VIM: variants seen among roughly 807,000 people sequenced by gnomAD.
The protein encoded by VIM is vimentin.
Under a neutral mutation model 50.3 loss-of-function variants are expected in VIM, and 18 were observed. The ratio of observed to expected loss-of-function variants is 0.36; its 90% CI spans 0.25 to 0.53. The LOEUF (loss-of-function observed/expected upper bound fraction) is 0.53, where lower values mean the gene tolerates loss of function less well. VIM is among the 20% of genes least tolerant of loss of function. The pLI is 0.91. For synonymous variants in VIM, 245 were observed against 248.5 expected (o/e 0.99, Z 0.13); for missense variants, 551 against 614.7 (o/e 0.90, Z 1.10).
At chr10:17,229,104 A>C (rs1184999302) in intron 1 of VIM, 172 bp from the exon 2 acceptor site, 2 of 494,422 alleles carry the variant, frequency 4.0e-6, no homozygotes, top group African/African-American at 2.0e-5. Flanking sequence ...GACCATGCCC[A>C]GTCCCAGGCC....
At chr10:17,236,601 C>T (rs980254717) in intron 9 of VIM, among the ~76,000 whole-genome samples, 1 of 152,180 alleles carries the variant, frequency 6.6e-6, no homozygotes, top group African/African-American at 2.4e-5. Context: ...TCCTGTGCTC[C>T]AGAATTAGTG....
Position 17,237,453 on chromosome 10 carries a change from A to G in VIM, c.*182A>G, listed in dbSNP as rs1357419304. 1.6e-6 allele frequency: 1 copy of G among 616,304 alleles called. No homozygotes were observed. The highest frequency in any genetic ancestry group is 1.9e-5 in the African/African-American group (1 of 53,896). The allele number at this position is 616,304 out of a possible 1,614,324, so 38.2% of individuals were successfully genotyped here. ...TCCTACAAGATTTAGAAAAAAGTTT[A>G]CAACATAATCTAGTTTACAGAAAAA... On this transcript the variant is annotated 3_prime_UTR_variant, in exon 10 of 10. Transcript: ENST00000544301.
chr10:17,234,289 A>G (rs1846849008), intron 5 of VIM, among the ~76,000 whole-genome samples: 1 of 152,070 alleles, frequency 6.6e-6, no homozygotes, highest in South Asian at 2.1e-4. Context: ...TAATTTTTGT[A>G]TTTTTAGTAG....
chr10:17,235,156 T>C lies in VIM; in HGVS notation c.1009-13T>C. 1 of 1,614,040 alleles carries C rather than the reference T, an allele frequency of 6.2e-7. No individual in the cohort carries two copies. The highest frequency in any genetic ancestry group is 2.2e-5 in the East Asian group (1 of 44,886). On this transcript the variant is annotated splice_polypyrimidine_tract_variant and intron_variant, in intron 6 of 9. Transcript: ENST00000544301. ...TGAGAAATAACACCAGACATCTTTC[T>C]CACCCCCTGCAGAATGAGTCCCTGG...
Position 17,229,330 on chromosome 10 carries a change from A to T in VIM, c.-93A>T. The T allele has an allele frequency of 1.5e-6, 2 of 1,350,040 alleles. No homozygotes were observed. Among genetic ancestry groups the T allele is most frequent in the Non-Finnish European group, 2.0e-6 (2 of 983,074 alleles). The allele number at this position is 1,350,040 out of a possible 1,614,324, so 83.6% of individuals were successfully genotyped here. A position where few individuals can be genotyped will look rare whatever the true frequency, so the allele number is the denominator to read the frequency against. On this transcript the variant is annotated 5_prime_UTR_variant, in exon 2 of 10. Transcript: ENST00000544301. ...GCGCCAGAGACGCAGCCGCGCTCCCACCACCCACACCCACCGCGCCCTCGT... is the reference window on the plus strand; with the variant it reads ...GCGCCAGAGACGCAGCCGCGCTCCCTCCACCCACACCCACCGCGCCCTCGT...
chr10:17,229,078 A>C, intron 1 of VIM, 198 bp from the exon 2 acceptor site: 2 of 418,646 alleles, frequency 4.8e-6, no homozygotes, highest in Non-Finnish European at 8.7e-6. Flanking sequence ...GTCCCAGCCC[A>C]GCGCTGAAGT....
rs772634201 is a variant in VIM at position 17,229,771 on chromosome 10, T to C, written c.349T>C (p.Tyr117His). The change falls in exon 2 of 10, where the codon TAC (tyrosine) becomes CAC (histidine). Residue 117 changes from tyrosine to histidine, a missense_variant. Coordinates refer to ENST00000544301, the MANE Select transcript of VIM (RefSeq NM_003380.5). ...LQELNDRFAN[Y>H]IDKVRFLEQQ... Reference sequence around the variant, plus strand: ...GGAGCTGAATGACCGCTTCGCCAACTACATCGACAAGGTGCGCTTCCTGGA... The same window carrying C: ...GGAGCTGAATGACCGCTTCGCCAACCACATCGACAAGGTGCGCTTCCTGGA... The C allele has an allele frequency of 6.3e-7, 1 of 1,590,594 alleles. No homozygotes were observed. The highest frequency in any genetic ancestry group is 8.6e-7 in the Non-Finnish European group (1 of 1,168,004).
chr10:17,234,190 A>G lies in VIM; in HGVS notation c.882+259A>G. On this transcript the variant is annotated intron_variant, in intron 5 of 9. Transcript: ENST00000544301. ...GAGTGCAGTGGCAACATCTTGGCAC[A>G]CTGCAACCTCCGCCTCCCAGGTTCA... 4 of 435,360 alleles carry G rather than the reference A, an allele frequency of 9.2e-6. No individual in the cohort carries two copies. In the South Asian group the frequency reaches 9.5e-5, roughly 10 times the overall value. 27.0% of individuals were successfully genotyped at this position (435,360 alleles called of 1,614,324 possible).
intron 3 of VIM, among the ~76,000 whole-genome samples, chr10:17,231,357 G>A (rs1297487798): frequency 1.3e-5 from 2 of 152,172 alleles, no homozygotes; most frequent in African/African-American, 2.4e-5. Flanking sequence ...TCTAATAAGG[G>A]TGAAAAGGAG....
At chr10:17,230,904 A>ATTTT (rs397844940) in intron 3 of VIM, 194 bp downstream of exon 3, 40 of 463,896 alleles carry the variant, frequency 8.6e-5, no homozygotes, top group African/African-American at 6.4e-4. Context: ...CCCTTGAGCG[A>ATTTT]TTTTTTTTTT....
chr10:17,232,114 A>T (rs1346915044), intron 3 of VIM, among the ~76,000 whole-genome samples: 2 of 152,230 alleles, frequency 1.3e-5, no homozygotes, highest in African/African-American at 4.8e-5. Context: ...AAAATTCCTC[A>T]TTCTCTTCAA....
At chr10:17,235,107 G>T in intron 6 of VIM, 62 bp from the exon 7 acceptor site, 2 of 1,585,498 alleles carry the variant, frequency 1.3e-6, no homozygotes, top group Non-Finnish European at 1.7e-6. Flanking sequence ...TCTGTAAATG[G>T]TTCTGGGAAC....
At chr10:17,235,801 A>C in intron 7 of VIM, 45 bp from the exon 8 acceptor site, 1 of 1,579,596 alleles carries the variant, frequency 6.3e-7, no homozygotes, top group Non-Finnish European at 8.7e-7. Context: ...CAGTGGTTGA[A>C]GTTATTTGCC....
Position 17,237,530 on chromosome 10 carries a change from T to C in VIM, c.*259T>C. Reference sequence around the variant, plus strand: ...GTATTTTGAATACCATTAAAACTGCTTTTTTTTTTCCAGCAAGTATCCAAC... The same window carrying C: ...GTATTTTGAATACCATTAAAACTGCCTTTTTTTTTCCAGCAAGTATCCAAC... On this transcript the variant is annotated 3_prime_UTR_variant, in exon 10 of 10. Transcript: ENST00000544301. 3.5e-6 allele frequency: 1 copy of C among 285,588 alleles called. No homozygotes were observed. The highest frequency in any genetic ancestry group is 1.2e-3 in the Middle Eastern group (1 of 866). 17.7% of individuals were successfully genotyped at this position (285,588 alleles called of 1,614,324 possible). A position where few individuals can be genotyped will look rare whatever the true frequency, so the allele number is the denominator to read the frequency against.
rs1253533842 is a variant in VIM at position 17,229,600 on chromosome 10, G to A, written c.178G>A (p.Val60Met). Residue 60 changes from valine (V) to methionine (M), a missense_variant, in exon 2 of 10, where the codon GTG becomes ATG. By Grantham distance (21) the Val-to-Met change is conservative. Coordinates refer to ENST00000544301, the MANE Select transcript of VIM (RefSeq NM_003380.5). ...RSLYASSPGG[V>M]YATRSSAVRL... ...CCTCTACGCCTCGTCCCCGGGCGGC[G>A]TGTATGCCACGCGCTCCTCTGCCGT... 1.9e-6 allele frequency: 3 copies of A among 1,603,696 alleles called. No homozygotes were observed. Among genetic ancestry groups the A allele is most frequent in the East Asian group, 4.5e-5 (2 of 44,204 alleles).
At chr10:17,230,281 CAAT>C in intron 2 of VIM, 1 of 575,114 alleles carries the variant, frequency 1.7e-6, no homozygotes, top group Admixed American at 3.0e-5. Flanking sequence ...CCCTTGGGCA[CAAT>C]GAGAGCCAGT....
At chr10:17,234,642 G>A (rs1205916440) in intron 5 of VIM, 51 bp from the exon 6 acceptor site, 1 of 1,609,980 alleles carries the variant, frequency 6.2e-7, no homozygotes, top group South Asian at 1.1e-5. Flanking sequence ...TTCTAAGAGA[G>A]TCAAAAGACT....
At chr10:17,231,347 T>C (rs1846794185) in intron 3 of VIM, among the ~76,000 whole-genome samples, 1 of 152,208 alleles carries the variant, frequency 6.6e-6, no homozygotes, top group South Asian at 2.1e-4. Context: ...TATTTTGTGA[T>C]CTAATAAGGG....
intron 5 of VIM, 151 bp downstream of exon 5, chr10:17,234,082 C>T (rs1846845108): frequency 1.2e-6 from 1 of 835,386 alleles, no homozygotes; most frequent in African/African-American, 1.7e-5. Context: ...ACAGCCTCCC[C>T]ACCACTCACA....
Sources: allele counts gnomAD v4.1 joint callset (sites outside exome capture counted in the v4.1 genomes callset), GRCh38; gene constraint gnomAD v4.1.1; transcripts MANE v1.5; gene names NCBI Gene and HGNC (gene_info 2026-07-23, HGNC 2026-07-21).